Variants in GLI3 observed in about 807,000 individuals in gnomAD.
GLI3 encodes the protein transcription activator GLI3.
In GLI3, 20 loss-of-function variants were observed where a neutral mutation model predicts 100.8. The ratio of observed to expected loss-of-function variants is 0.20; its 90% confidence interval spans 0.14 to 0.29. The LOEUF (loss-of-function observed/expected upper bound fraction) is 0.29, where lower values mean the gene tolerates loss of function less well. Among genes scored for constraint, GLI3 ranks in the 10% least tolerant of loss-of-function variants. The pLI, the probability that GLI3 is intolerant of heterozygous loss-of-function variation, is 1.00. For missense variants in GLI3, 2,040 were observed against 2,128.5 expected, an observed-to-expected ratio of 0.96 and a Z score of 0.82; for synonymous variants, 938 against 860.5, an observed-to-expected ratio of 1.09 and a Z score of -1.58.
At chr7:42,226,038 T>A (rs1269188920) in intron 1 of GLI3, among the ~76,000 whole-genome samples, 1 of 152,246 alleles carries the variant, frequency 6.6e-6, no homozygotes, top group African/African-American at 2.4e-5. Flanking sequence ...CTTTTCATAT[T>A]CAGTGTTTCG....
chr7:42,161,905 C>T (rs1787138160), intron 2 of GLI3, among the ~76,000 whole-genome samples: 1 of 152,160 alleles, frequency 6.6e-6, no homozygotes, highest in Non-Finnish European at 1.5e-5. Context: ...GGGTTTAGAG[C>T]AGGCTGAGTC....
intron 2 of GLI3, among the ~76,000 whole-genome samples, chr7:42,214,611 A>G (rs1485576377): frequency 6.6e-6 from 1 of 151,886 alleles, no homozygotes; most frequent in Admixed American, 6.6e-5. Context: ...ACAAAGTCCA[A>G]TCTATATAAG....
At chr7:41,987,458 C>T (rs560286708) in intron 10 of GLI3, among the ~76,000 whole-genome samples, 2 of 152,154 alleles carry the variant, frequency 1.3e-5, no homozygotes, top group Non-Finnish European at 2.9e-5. Flanking sequence ...TGAGCCACTG[C>T]GCCCGGCTGT....
At chr7:42,214,120 A>C (rs1788325331) in intron 2 of GLI3, among the ~76,000 whole-genome samples, 1 of 152,240 alleles carries the variant, frequency 6.6e-6, no homozygotes, top group Non-Finnish European at 1.5e-5. Flanking sequence ...GCAGCACCCA[A>C]GTAGTGAGGC....
chr7:42,158,180 C>T (rs1383181106), intron 2 of GLI3, among the ~76,000 whole-genome samples: 1 of 152,232 alleles, frequency 6.6e-6, no homozygotes, highest in Non-Finnish European at 1.5e-5. Context: ...CTAGACTATA[C>T]TCTGCGCCTC....
intron 7 of GLI3, among the ~76,000 whole-genome samples, chr7:42,035,677 G>A (rs1023503471): frequency 1.3e-5 from 2 of 152,194 alleles, no homozygotes; most frequent in African/African-American, 2.4e-5. Context: ...ACATTTGCCG[G>A]AAGACTACAG....
At chr7:42,188,603 C>G (rs999725558) in intron 2 of GLI3, among the ~76,000 whole-genome samples, 1 of 152,002 alleles carries the variant, frequency 6.6e-6, no homozygotes, top group African/African-American at 2.4e-5. Context: ...TGGAAACAAC[C>G]AAGATGTCCT....
intron 10 of GLI3, among the ~76,000 whole-genome samples, chr7:42,014,824 A>T (rs1470133549): frequency 6.6e-6 from 1 of 152,174 alleles, no homozygotes; most frequent in Admixed American, 6.6e-5. Context: ...AGTGGCCACC[A>T]GGTGGTGACG....
intron 3 of GLI3, chr7:42,118,104 A>C: frequency 2.6e-6 from 1 of 380,300 alleles, no homozygotes. Flanking sequence ...TTTTTAATGG[A>C]GGCTCAAAAT....
intron 2 of GLI3, among the ~76,000 whole-genome samples, chr7:42,175,630 A>T (rs1787464337): frequency 6.6e-6 from 1 of 151,942 alleles, no homozygotes; most frequent in Non-Finnish European, 1.5e-5. Context: ...AAAAAAAAAA[A>T]GAAATGACAG....
chr7:42,144,338 C>G (rs1260600208), intron 3 of GLI3, among the ~76,000 whole-genome samples: 2 of 152,106 alleles, frequency 1.3e-5, no homozygotes, highest in Non-Finnish European at 2.9e-5. Flanking sequence ...TTATAAAGCG[C>G]CAGTGATCCT....
At chr7:42,162,443 C>T (rs1787148474) in intron 2 of GLI3, among the ~76,000 whole-genome samples, 1 of 152,058 alleles carries the variant, frequency 6.6e-6, no homozygotes, top group Non-Finnish European at 1.5e-5. Flanking sequence ...CTTGTTGACA[C>T]AAATGGAAAT....
At chr7:42,111,893 T>C (rs1013604045) in intron 3 of GLI3, among the ~76,000 whole-genome samples, 2 of 152,092 alleles carry the variant, frequency 1.3e-5, no homozygotes, top group African/African-American at 4.8e-5. Flanking sequence ...GCACCCGGTA[T>C]GGGGAATGTT....
intron 2 of GLI3, among the ~76,000 whole-genome samples, chr7:42,174,273 G>A (rs1019827840): frequency 3.3e-5 from 5 of 152,050 alleles, no homozygotes; most frequent in African/African-American, 9.7e-5. Flanking sequence ...ACCTAAACCA[G>A]GTAACCTTCC....
intron 4 of GLI3, 57 bp from the exon 5 acceptor site, chr7:42,048,753 G>A (rs1784297276): frequency 6.3e-6 from 7 of 1,108,930 alleles, no homozygotes; most frequent in Non-Finnish European, 9.5e-6. Flanking sequence ...ATCTCCACAG[G>A]CAGAGGCTGT....
chr7:41,988,890 A>T (rs1392114445), intron 10 of GLI3, among the ~76,000 whole-genome samples: 1 of 152,176 alleles, frequency 6.6e-6, no homozygotes, highest in Non-Finnish European at 1.5e-5. Flanking sequence ...CTTACCATCC[A>T]GTAAGTTGCC....
At chr7:41,988,541 C>G (rs1331126634) in intron 10 of GLI3, among the ~76,000 whole-genome samples, 1 of 151,418 alleles carries the variant, frequency 6.6e-6, no homozygotes, top group South Asian at 2.1e-4. Flanking sequence ...GGATTAGTGA[C>G]CTTATAAAGG....
chr7:42,081,719 T>C (rs374367868), intron 3 of GLI3, among the ~76,000 whole-genome samples: 8 of 152,268 alleles, frequency 5.3e-5, no homozygotes, highest in Admixed American at 2.0e-4. Context: ...ATCTCTTGGA[T>C]GCCATCCTGG....
intron 4 of GLI3, among the ~76,000 whole-genome samples, chr7:42,073,846 C>G (rs1210998592): frequency 6.6e-6 from 1 of 152,208 alleles, no homozygotes; most frequent in Admixed American, 6.5e-5. Flanking sequence ...TTCACTTGAT[C>G]TCATTTTCTA....
Sources: allele counts gnomAD v4.1 joint callset (sites outside exome capture counted in the v4.1 genomes callset), GRCh38; gene constraint gnomAD v4.1.1; transcripts MANE v1.5; gene names NCBI Gene and HGNC (gene_info 2026-07-23, HGNC 2026-07-21).